The following KIF18A variants were observed in gnomAD, a reference collection of about 807,000 sequenced individuals.
The protein encoded by KIF18A is kinesin-like protein KIF18A.
In KIF18A, 67 loss-of-function variants were observed where a neutral mutation model predicts 103.3. That is an observed-to-expected ratio of 0.65 (90% CI 0.53 to 0.79). KIF18A has a LOEUF of 0.79. Among genes scored for constraint, KIF18A ranks in the 30% least tolerant of loss-of-function variants. The pLI is 0.00. For missense variants in KIF18A, 1,032 were observed against 1,062.5 expected, an observed-to-expected ratio of 0.97 and a Z score of 0.40; for synonymous variants, 367 against 355.5, an observed-to-expected ratio of 1.03 and a Z score of -0.36.
chr11:28,080,972 G>T (rs1851158306), intron 9 of KIF18A, among the ~76,000 whole-genome samples: 2 of 152,308 alleles, frequency 1.3e-5, no homozygotes, highest in South Asian at 4.1e-4. Flanking sequence ...GGTCTGGATA[G>T]ATTAAACTAG....
At chr11:28,086,001 CT>C (rs1851223746) in intron 6 of KIF18A, among the ~76,000 whole-genome samples, 1 of 151,994 alleles carries the variant, frequency 6.6e-6, no homozygotes, top group South Asian at 2.1e-4. Flanking sequence ...TAAGTATGAA[CT>C]TTAGTTCAAA....
intron 15 of KIF18A, among the ~76,000 whole-genome samples, chr11:28,024,209 A>AAC (rs1341364231): frequency 6.6e-6 from 1 of 151,374 alleles, no homozygotes; most frequent in African/African-American, 2.4e-5. Context: ...AAAAAAAAAA[A>AAC]AACTAAGCTC....
At chr11:28,037,497 T>C (rs1199695620) in intron 13 of KIF18A, among the ~76,000 whole-genome samples, 1 of 151,584 alleles carries the variant, frequency 6.6e-6, no homozygotes, top group Non-Finnish European at 1.5e-5. Flanking sequence ...ATGTAGGCTA[T>C]ATACTATGCC....
At chr11:28,028,525 A>C (rs1052411293) in intron 15 of KIF18A, among the ~76,000 whole-genome samples, 1 of 152,228 alleles carries the variant, frequency 6.6e-6, no homozygotes, top group Non-Finnish European at 1.5e-5. Flanking sequence ...ACACATTTAA[A>C]GCAGTGTGTA....
At chr11:28,053,107 A>G (rs1850732121) in intron 13 of KIF18A, among the ~76,000 whole-genome samples, 1 of 152,204 alleles carries the variant, frequency 6.6e-6, no homozygotes, top group African/African-American at 2.4e-5. Flanking sequence ...TCCAAGATTA[A>G]AAAAGACTGC....
Position 28,023,780 on chromosome 11 carries a change from A to C in KIF18A, c.2575T>G (p.Ser859Ala). 4 of 1,612,894 alleles carry C rather than the reference A, an allele frequency of 2.5e-6. No individual in the cohort carries two copies. Among genetic ancestry groups the C allele is most frequent in the Non-Finnish European group, 3.4e-6 (4 of 1,179,056 alleles). ...GFAKRVRQDN[S>A]SEKHLQENKP... ...TTTTCTTGTAAGTGCTTCTCACTTG[A>C]ATTATCTTGTCGAACACGTTTGGCA... The change falls in exon 16 of 17, where the codon TCA becomes GCA. Residue 859 changes from serine to alanine, a missense_variant. Transcript: ENST00000263181.
chr11:28,031,536 TA>T (rs1410854614), intron 15 of KIF18A, among the ~76,000 whole-genome samples: 1 of 151,176 alleles, frequency 6.6e-6, no homozygotes, highest in East Asian at 1.9e-4. Flanking sequence ...TGTTGTGGGG[TA>T]GGGGGAGCGC....
chr11:28,036,943 G>A (rs994402601), intron 13 of KIF18A, among the ~76,000 whole-genome samples: 2 of 151,380 alleles, frequency 1.3e-5, no homozygotes, highest in Non-Finnish European at 3.0e-5. Flanking sequence ...GGGTAATTAG[G>A]AAACAAATTA....
intron 13 of KIF18A, among the ~76,000 whole-genome samples, chr11:28,040,010 A>G (rs1371845781): frequency 1.3e-5 from 2 of 151,776 alleles, no homozygotes; most frequent in East Asian, 3.9e-4. Context: ...TAACCAGAGC[A>G]AAAACAAAAT....
At chr11:28,103,345 CAAAAAA>C (rs781201060) in intron 1 of KIF18A, among the ~76,000 whole-genome samples, 1 of 149,312 alleles carries the variant, frequency 6.7e-6, no homozygotes, top group Non-Finnish European at 1.5e-5. Context: ...TTCCAAAATT[CAAAAAA>C]ACTTCTGGTA....
intron 10 of KIF18A, among the ~76,000 whole-genome samples, chr11:28,076,020 T>G (rs112331340): frequency 2.4e-3 from 354 of 150,060 alleles, no homozygotes; most frequent in African/African-American, 8.1e-3. Flanking sequence ...TTGGCAAGAA[T>G]TTTTTTTTTC....
At chr11:28,027,335 A>G (rs1430245428) in intron 15 of KIF18A, among the ~76,000 whole-genome samples, 1 of 151,898 alleles carries the variant, frequency 6.6e-6, no homozygotes, top group Admixed American at 6.6e-5. Flanking sequence ...AATATATTTA[A>G]GATTTTTCCT....
intron 15 of KIF18A, among the ~76,000 whole-genome samples, chr11:28,028,490 G>C (rs1850350310): frequency 6.6e-6 from 1 of 152,024 alleles, no homozygotes; most frequent in African/African-American, 2.4e-5. Context: ...CGAGAACAAA[G>C]ACATGACATA....
chr11:28,072,569 G>T (rs1565083778), intron 10 of KIF18A, among the ~76,000 whole-genome samples: 1 of 152,026 alleles, frequency 6.6e-6, no homozygotes, highest in Non-Finnish European at 1.5e-5. Context: ...ACCTCTAGAT[G>T]TCTTCCTATG....
intron 13 of KIF18A, 97 bp downstream of exon 13, chr11:28,058,829 G>C: frequency 1.1e-6 from 1 of 891,144 alleles, no homozygotes; most frequent in South Asian, 1.7e-5. Flanking sequence ...TCATAAAATA[G>C]ACAAACCTAT....
intron 6 of KIF18A, among the ~76,000 whole-genome samples, chr11:28,087,857 G>C (rs988351578): frequency 4.6e-5 from 7 of 152,138 alleles, no homozygotes; most frequent in African/African-American, 1.7e-4. Flanking sequence ...TTTTCGAACA[G>C]TTTAACAAGC....
At chr11:28,093,551 G>C (rs140998421) in intron 3 of KIF18A, among the ~76,000 whole-genome samples, 1 of 152,226 alleles carries the variant, frequency 6.6e-6, no homozygotes, top group East Asian at 1.9e-4. Flanking sequence ...TAAGAGGGTA[G>C]AAGGCCTCAA....
At chr11:28,040,775 G>GT (rs1296886469) in intron 13 of KIF18A, among the ~76,000 whole-genome samples, 1 of 151,724 alleles carries the variant, frequency 6.6e-6, no homozygotes, top group Non-Finnish European at 1.5e-5. Context: ...GGGTAGCAAT[G>GT]TATGTTATGG....
intron 10 of KIF18A, 40 bp from the exon 11 acceptor site, chr11:28,069,463 G>A: frequency 6.4e-7 from 1 of 1,569,830 alleles, no homozygotes; most frequent in Non-Finnish European, 8.7e-7. Flanking sequence ...TAATTTTTAT[G>A]ATATTTGATG....
Sources: allele counts gnomAD v4.1 joint callset (sites outside exome capture counted in the v4.1 genomes callset), GRCh38; gene constraint gnomAD v4.1.1; transcripts MANE v1.5; gene names NCBI Gene and HGNC (gene_info 2026-07-23, HGNC 2026-07-21).